The following SLC41A2 variants were observed in gnomAD, a reference collection of about 807,000 sequenced individuals.
SLC41A2 encodes the protein solute carrier family 41 member 2, also known as SLC41A1-like 1.
In SLC41A2, 32 loss-of-function variants were observed where a neutral mutation model predicts 58.3. That is an observed-to-expected ratio of 0.55 (90% confidence interval 0.41 to 0.74). The LOEUF (loss-of-function observed/expected upper bound fraction) is 0.74. SLC41A2 is among the 30% of genes least tolerant of loss of function. The pLI is 0.00. For missense variants in SLC41A2, 514 were observed against 680.6 expected (o/e 0.76, Z 2.72); for synonymous variants, 190 against 235.0 (o/e 0.81, Z 1.75).
chr12:104,947,000 T>C (rs957912351), intron 1 of SLC41A2, among the ~76,000 whole-genome samples: 3 of 152,140 alleles, frequency 2.0e-5, no homozygotes, highest in African/African-American at 4.8e-5. Flanking sequence ...TTAATACATA[T>C]AAAGTGCTTA....
intron 6 of SLC41A2, among the ~76,000 whole-genome samples, chr12:104,880,280 C>T (rs530495911): frequency 6.6e-6 from 1 of 152,270 alleles, no homozygotes; most frequent in African/African-American, 2.4e-5. Flanking sequence ...ATTTGACTTC[C>T]TCTCTTCCTA....
chr12:104,880,571 A>G (rs1360633558), intron 6 of SLC41A2, among the ~76,000 whole-genome samples: 1 of 152,236 alleles, frequency 6.6e-6, no homozygotes, highest in African/African-American at 2.4e-5. Flanking sequence ...CTATTGAGAT[A>G]ACCATGTGGT....
chr12:104,853,911 A>ATTATTATTATTATTTTTTTTTTTTTTT lies in SLC41A2; in HGVS notation c.1255+7379_1255+7380insAAAAAAAAAAAAAAATAATAATAATAA. Among the ~76,000 whole-genome samples the ATTATTATTATTATTTTTTTTTTTTTTT allele has an allele frequency of 6.6e-4, 39 of 59,494 alleles. 2 individuals carry two copies. The highest frequency in any genetic ancestry group is 0.023 in the Middle Eastern group (2 of 86). 39.0% of individuals were successfully genotyped at this position (59,494 alleles called of 152,430 possible). A position where few individuals can be genotyped will look rare whatever the true frequency, so the allele number is the denominator to read the frequency against. ...GGGTGCATGTCACCATGCCTGGCTG[A>ATTATTATTATTATTTTTTTTTTTTTTT]TTTTTTTTTTTTTTTTTTTTTTTTT... On this transcript the variant is annotated intron_variant, in intron 8 of 10. Coordinates refer to ENST00000258538, the MANE Select transcript of SLC41A2 (RefSeq NM_001352171.3).
intron 6 of SLC41A2, among the ~76,000 whole-genome samples, chr12:104,880,837 AGT>A (rs2044329803): frequency 6.6e-6 from 1 of 152,106 alleles, no homozygotes; most frequent in African/African-American, 2.4e-5. Context: ...TCATAAAATG[AGT>A]TAGGGAGGAT....
intron 1 of SLC41A2, among the ~76,000 whole-genome samples, chr12:104,947,128 T>C (rs17036542): frequency 0.031 from 4,640 of 149,480 alleles, 129 homozygotes; most frequent in East Asian, 0.088. Context: ...CAATGAAATA[T>C]ACTATGTCAT....
intron 6 of SLC41A2, among the ~76,000 whole-genome samples, chr12:104,870,437 CA>C (rs920555250): frequency 6.6e-6 from 1 of 152,056 alleles, no homozygotes; most frequent in African/African-American, 2.4e-5. Flanking sequence ...CAAAAAAACC[CA>C]AAAAACATTT....
intron 2 of SLC41A2, among the ~76,000 whole-genome samples, chr12:104,910,471 C>G (rs1203390237): frequency 6.6e-6 from 1 of 152,162 alleles, no homozygotes; most frequent in Non-Finnish European, 1.5e-5. Context: ...TCCACCCTAT[C>G]TAGTCTTTGG....
At chr12:104,877,455 T>C (rs1044853257) in intron 6 of SLC41A2, among the ~76,000 whole-genome samples, 3 of 151,980 alleles carry the variant, frequency 2.0e-5, no homozygotes, top group African/African-American at 7.3e-5. Context: ...TTTAGTTAAT[T>C]CATCTTGAAT....
chr12:104,940,384 T>C (rs1314147200), intron 1 of SLC41A2, among the ~76,000 whole-genome samples: 1 of 151,454 alleles, frequency 6.6e-6, no homozygotes, highest in Non-Finnish European at 1.5e-5. Flanking sequence ...CATTAGGAGA[T>C]ATACCTACTG....
At chr12:104,834,358 T>C (rs1415517642) in intron 10 of SLC41A2, among the ~76,000 whole-genome samples, 3 of 152,072 alleles carry the variant, frequency 2.0e-5, no homozygotes, top group African/African-American at 7.2e-5. Context: ...ATTGATCAAC[T>C]CCAAAAGTTA....
chr12:104,938,861 C>A (rs975712933), intron 1 of SLC41A2, among the ~76,000 whole-genome samples: 2 of 152,212 alleles, frequency 1.3e-5, no homozygotes, highest in Admixed American at 6.5e-5. Context: ...CTCTGATATA[C>A]TGAGCACTTA....
chr12:104,939,997 C>T (rs2047436134), intron 1 of SLC41A2, among the ~76,000 whole-genome samples: 2 of 151,994 alleles, frequency 1.3e-5, no homozygotes, highest in South Asian at 2.1e-4. Context: ...ACCTCCTCTA[C>T]GTTTCTGTTT....
chr12:104,860,481 T>C (rs1293954504), intron 8 of SLC41A2, among the ~76,000 whole-genome samples: 1 of 152,018 alleles, frequency 6.6e-6, no homozygotes, highest in Non-Finnish European at 1.5e-5. Context: ...ATGTAATTCA[T>C]ATATAAATGT....
intron 10 of SLC41A2, among the ~76,000 whole-genome samples, chr12:104,817,452 A>T (rs992600044): frequency 6.6e-6 from 1 of 152,254 alleles, no homozygotes; most frequent in African/African-American, 2.4e-5. Flanking sequence ...TACTTTATAA[A>T]TTTTTTAATT....
intron 10 of SLC41A2, among the ~76,000 whole-genome samples, chr12:104,820,543 T>G (rs2041587049): frequency 6.6e-6 from 1 of 152,234 alleles, no homozygotes; most frequent in Non-Finnish European, 1.5e-5. Context: ...GCAGAGTAGA[T>G]AAGTTAACAA....
At chr12:104,934,823 TGATC>T (rs2135917978) in intron 1 of SLC41A2, among the ~76,000 whole-genome samples, 1 of 152,318 alleles carries the variant, frequency 6.6e-6, no homozygotes, top group East Asian at 1.9e-4. Flanking sequence ...CTGAAAAAGT[TGATC>T]TCTTAGAAAC....
intron 3 of SLC41A2, among the ~76,000 whole-genome samples, chr12:104,897,138 T>C (rs1458203130): frequency 8.3e-6 from 1 of 120,896 alleles, no homozygotes; most frequent in Non-Finnish European, 1.8e-5. Flanking sequence ...GACACTTTTC[T>C]TTTTTCTTTT....
chr12:104,850,049 G>A (rs1592991881), intron 8 of SLC41A2, among the ~76,000 whole-genome samples: 1 of 152,072 alleles, frequency 6.6e-6, no homozygotes, highest in Non-Finnish European at 1.5e-5. Flanking sequence ...GGAGATTTTT[G>A]AAGAAGAATT....
At chr12:104,954,776 A>G (rs1470420348) in intron 1 of SLC41A2, among the ~76,000 whole-genome samples, 1 of 152,210 alleles carries the variant, frequency 6.6e-6, no homozygotes, top group African/African-American at 2.4e-5. Flanking sequence ...TATGCTTCAC[A>G]TGCTTTTTAT....
Sources: allele counts gnomAD v4.1 joint callset (sites outside exome capture counted in the v4.1 genomes callset), GRCh38; gene constraint gnomAD v4.1.1; transcripts MANE v1.5; gene names NCBI Gene and HGNC (gene_info 2026-07-23, HGNC 2026-07-21).